The following CDH18 variants were observed in gnomAD, a reference collection of about 807,000 sequenced individuals.
CDH18 encodes cadherin-18.
Under a neutral mutation model 67.9 loss-of-function variants are expected in CDH18, and 31 were observed. That is an observed-to-expected ratio of 0.46 (90% CI 0.34 to 0.62). The LOEUF is 0.62. Ranked by LOEUF, CDH18 falls within the 20% of genes least tolerant of loss-of-function variation. The probability of loss-of-function intolerance (pLI) is 0.01; values close to 1 mark genes in which losing one functional copy is unlikely to be tolerated. For synonymous variants in CDH18, 362 were observed against 347.2 expected (o/e 1.04, Z -0.48); for missense variants, 890 against 975.5 (o/e 0.91, Z 1.17).
intron 5 of CDH18, among the ~76,000 whole-genome samples, chr5:19,649,641 A>C (rs1184538128): frequency 1.3e-5 from 2 of 152,084 alleles, no homozygotes; most frequent in Non-Finnish European, 2.9e-5. Context: ...TCAATATATC[A>C]AGGTAAAATA....
intron 5 of CDH18, among the ~76,000 whole-genome samples, chr5:19,702,918 G>A (rs1010981269): frequency 2.0e-5 from 3 of 152,176 alleles, no homozygotes; most frequent in African/African-American, 7.2e-5. Context: ...AATAGCATGA[G>A]CGATCTGTGC....
chr5:19,690,065 T>C (rs1041637342), intron 5 of CDH18, among the ~76,000 whole-genome samples: 1 of 147,124 alleles, frequency 6.8e-6, no homozygotes. Context: ...TGTGTGTATA[T>C]ATTATATATG....
intron 2 of CDH18, among the ~76,000 whole-genome samples, chr5:19,845,824 T>C (rs977281087): frequency 1.0e-4 from 15 of 150,234 alleles, no homozygotes; most frequent in African/African-American, 3.4e-4. Flanking sequence ...TAGCTTTCCT[T>C]TGCTCTCTTT....
At chr5:19,958,299 T>G (rs1276290888) in intron 2 of CDH18, among the ~76,000 whole-genome samples, 1 of 147,144 alleles carries the variant, frequency 6.8e-6, no homozygotes. Context: ...CATATAAACT[T>G]GTATTATATC....
At chr5:20,231,470 G>T (rs190364257) in intron 2 of CDH18, among the ~76,000 whole-genome samples, 1 of 151,972 alleles carries the variant, frequency 6.6e-6, no homozygotes, top group East Asian at 1.9e-4. Context: ...GTGGGGTGGC[G>T]CTCCTGTAAC....
chr5:19,651,013 T>C (rs764148828), intron 5 of CDH18, among the ~76,000 whole-genome samples: 1 of 152,010 alleles, frequency 6.6e-6, no homozygotes, highest in Non-Finnish European at 1.5e-5. Context: ...AAAGAGTACA[T>C]TTAGTAAGCT....
chr5:20,384,229 T>G (rs1310020458), intron 1 of CDH18, among the ~76,000 whole-genome samples: 1 of 152,124 alleles, frequency 6.6e-6, no homozygotes, highest in Non-Finnish European at 1.5e-5. Context: ...TGAACATTTC[T>G]ACCCAAGGAA....
chr5:19,522,839 G>A (rs533319905), intron 9 of CDH18, among the ~76,000 whole-genome samples: 15 of 148,262 alleles, frequency 1.0e-4, no homozygotes, highest in Admixed American at 8.9e-4. Context: ...AGGCTGCAGC[G>A]AGCTGAGCTC....
intron 1 of CDH18, among the ~76,000 whole-genome samples, chr5:20,440,469 A>G (rs1280194956): frequency 6.6e-6 from 1 of 151,892 alleles, no homozygotes; most frequent in African/African-American, 2.4e-5. Context: ...AATGTATGCA[A>G]TAGGTCCTCC....
At chr5:20,256,523 C>T (rs1744245739) in intron 1 of CDH18, among the ~76,000 whole-genome samples, 1 of 152,000 alleles carries the variant, frequency 6.6e-6, no homozygotes, top group South Asian at 2.1e-4. Flanking sequence ...ATTATTTATA[C>T]TAGGAATAAA....
chr5:20,440,303 A>G (rs746175385), intron 1 of CDH18, among the ~76,000 whole-genome samples: 36 of 151,880 alleles, frequency 2.4e-4, no homozygotes, highest in Non-Finnish European at 4.6e-4. Context: ...TAAAGAGTCT[A>G]TTAGGAGCAT....
intron 2 of CDH18, among the ~76,000 whole-genome samples, chr5:20,227,034 A>T (rs112807238): frequency 1.9e-3 from 295 of 152,186 alleles, no homozygotes; most frequent in African/African-American, 6.9e-3. Context: ...CTCCATACAC[A>T]ATAGCTTGCC....
chr5:20,487,723 T>C (rs1007235203), intron 1 of CDH18, among the ~76,000 whole-genome samples: 1 of 149,882 alleles, frequency 6.7e-6, no homozygotes, highest in African/African-American at 2.4e-5. Context: ...ACAAATTTGT[T>C]AGGTAATTAT....
chr5:20,558,513 C>G (rs950097949), intron 1 of CDH18, among the ~76,000 whole-genome samples: 7 of 151,962 alleles, frequency 4.6e-5, no homozygotes, highest in Non-Finnish European at 1.0e-4. Flanking sequence ...TGGCATGAAC[C>G]CAGGTACTGC....
At position 20,234,253 on chromosome 5, in the gene CDH18, ATTTT is replaced by A. The variant is rs545211801; in HGVS notation, c.-518+21187_-518+21190del. 1.4e-4 allele frequency among the ~76,000 whole-genome samples: 21 copies of A among 151,966 alleles called. No individual in the cohort carries two copies. In the South Asian group the frequency reaches 3.7e-3, roughly 27 times the overall value. ...AGATACCTGGGCTAAACCCTTATTC[ATTTT>A]CTCTTGAATATTTCTTCAGTCATAT... On this transcript the variant is annotated intron_variant, in intron 2 of 14. Coordinates refer to the CDH18 transcript ENST00000507958.
In CDH18 at chr5:20,182,996, A is replaced by T. The variant is rs6860409; in HGVS notation, c.-518+72448T>A. 5.8e-3 allele frequency among the ~76,000 whole-genome samples: 878 copies of T among 152,214 alleles called. 10 individuals are homozygous for T. The highest frequency in any genetic ancestry group is 0.02 in the African/African-American group (841 of 41,560). On this transcript the variant is annotated intron_variant, in intron 2 of 14. Coordinates refer to the CDH18 transcript ENST00000507958. ...TTCTGGAACCCTGTTGCCTAAGGCTAATCCTTGATCTTTCTTATATTAGTT... is the reference window on the plus strand; with the variant it reads ...TTCTGGAACCCTGTTGCCTAAGGCTTATCCTTGATCTTTCTTATATTAGTT...
intron 3 of CDH18, among the ~76,000 whole-genome samples, chr5:19,810,804 CT>C (rs1361582166): frequency 6.6e-6 from 1 of 150,766 alleles, no homozygotes; most frequent in African/African-American, 2.5e-5. Context: ...TGTTGGATCA[CT>C]TGAGGTCAGG....
At position 20,243,343 on chromosome 5, in the gene CDH18, G is replaced by A. The variant is rs551370299; in HGVS notation, c.-518+12101C>T. 9.2e-5 allele frequency among the ~76,000 whole-genome samples: 14 copies of A among 152,130 alleles called. No homozygotes were observed. The East Asian group carries it at 2.7e-3, about 29-fold the overall frequency. On this transcript the variant is annotated intron_variant, in intron 2 of 14. Transcript: ENST00000507958. ...AAATCCTACATAAAGGATTATTAGT[G>A]GACAATCACATTCTATTTGTAATTC...
intron 2 of CDH18, among the ~76,000 whole-genome samples, chr5:20,203,901 G>C (rs779935482): frequency 2.0e-5 from 3 of 151,842 alleles, no homozygotes; most frequent in African/African-American, 4.8e-5. Flanking sequence ...GGATCAAGCA[G>C]AGCAAATAAT....
Sources: allele counts gnomAD v4.1 joint callset (sites outside exome capture counted in the v4.1 genomes callset), GRCh38; gene constraint gnomAD v4.1.1; transcripts MANE v1.5; gene names NCBI Gene and HGNC (gene_info 2026-07-23, HGNC 2026-07-21).